Variants in RARB observed in about 807,000 individuals in gnomAD.
RARB encodes HBV-activated protein.
A neutral mutation model predicts 51.9 loss-of-function variants in RARB; 17 were observed. The observed-to-expected ratio is 0.33, with a 90% CI of 0.22 to 0.49. The LOEUF (loss-of-function observed/expected upper bound fraction) is 0.49. RARB is among the 20% of genes least tolerant of loss of function. The pLI is 0.99. For missense variants in RARB, 369 were observed against 550.8 expected (o/e 0.67, Z 3.30); for synonymous variants, 215 against 195.4 (o/e 1.10, Z -0.84).
At chr3:25,487,766 T>G (rs530191987) in intron 2 of RARB, among the ~76,000 whole-genome samples, 1 of 152,310 alleles carries the variant, frequency 6.6e-6, no homozygotes, top group African/African-American at 2.4e-5. Flanking sequence ...ATGAAAGCAT[T>G]ACTTTTGTGT....
rs112907285 is a variant in RARB, at chr3:25,306,698, A to G, written c.178+132123A>G. Among the ~76,000 whole-genome samples, 565 of 152,312 alleles carry G rather than the reference A, an allele frequency of 3.7e-3. 1 individual carries two copies. Among genetic ancestry groups the G allele is most frequent in the African/African-American group, 0.013 (532 of 41,564 alleles). ...ATGTGAAGTTCGCATGTCATTTACT[A>G]TTATTCTGGGGGAAAAAAAGCTGAA... On this transcript the variant is annotated intron_variant, in intron 5 of 11. Coordinates refer to the RARB transcript ENST00000383772.
At chr3:25,065,601 C>G (rs1698645604) in intron 3 of RARB, among the ~76,000 whole-genome samples, 1 of 152,194 alleles carries the variant, frequency 6.6e-6, no homozygotes, top group African/African-American at 2.4e-5. Context: ...TACGATTGTT[C>G]TACCCAAAGT....
chr3:25,040,161 C>T (rs996203225), intron 2 of RARB, among the ~76,000 whole-genome samples: 14 of 152,074 alleles, frequency 9.2e-5, no homozygotes, highest in Non-Finnish European at 1.8e-4. Flanking sequence ...TCAACAGAGA[C>T]GAAATGAAGT....
chr3:24,932,168 T>C (rs1225571473), intron 2 of RARB, among the ~76,000 whole-genome samples: 1 of 152,096 alleles, frequency 6.6e-6, no homozygotes, highest in Non-Finnish European at 1.5e-5. Flanking sequence ...GGCTTCAAAG[T>C]TCGTCGGCCC....
At chr3:25,069,213 T>A (rs1698722444) in intron 3 of RARB, among the ~76,000 whole-genome samples, 1 of 151,324 alleles carries the variant, frequency 6.6e-6, no homozygotes, top group Non-Finnish European at 1.5e-5. Context: ...GAGAAAGATT[T>A]TTTTTTGAGT....
chr3:24,894,681 G>A (rs1703445503), intron 2 of RARB, among the ~76,000 whole-genome samples: 1 of 152,116 alleles, frequency 6.6e-6, no homozygotes, highest in South Asian at 2.1e-4. Flanking sequence ...CTGTGACTTA[G>A]CCAGTTTACT....
intron 2 of RARB, among the ~76,000 whole-genome samples, chr3:25,021,396 T>C (rs1269453140): frequency 2.0e-5 from 3 of 151,934 alleles, no homozygotes; most frequent in African/African-American, 7.3e-5. Context: ...TTTAGTCAGA[T>C]CAAAAATACC....
intron 4 of RARB, among the ~76,000 whole-genome samples, chr3:25,149,333 G>A (rs58793044): frequency 0.011 from 1,603 of 152,194 alleles, 25 homozygotes; most frequent in African/African-American, 0.036. Context: ...CTGGTTTGTC[G>A]TCTGCAATCC....
At chr3:25,190,841 G>A (rs1176462350) in intron 5 of RARB, among the ~76,000 whole-genome samples, 4 of 151,998 alleles carry the variant, frequency 2.6e-5, no homozygotes, top group African/African-American at 9.7e-5. Context: ...CTAATCACTT[G>A]GGACTTGGAG....
At chr3:25,105,022 G>A (rs1427976320) in intron 3 of RARB, among the ~76,000 whole-genome samples, 1 of 152,040 alleles carries the variant, frequency 6.6e-6, no homozygotes, top group Non-Finnish European at 1.5e-5. Context: ...TACAGTTTGT[G>A]TACTTTTCTA....
chr3:25,594,457 CAAGG>C lies in RARB; in HGVS notation c.992-59_992-56del, dbSNP rs1238508225. ...ACTCATAACAGTAGGAATAAGGAAACAAGGAAGAGGGGAAAAGGGCATAAATCCT... is the reference window on the plus strand; with the variant it reads ...ACTCATAACAGTAGGAATAAGGAAACAAGAGGGGAAAAGGGCATAAATCCT... On this transcript the variant is annotated intron_variant, in intron 6 of 7. Coordinates refer to ENST00000330688, the MANE Select transcript of RARB (RefSeq NM_000965.5). The C allele has an allele frequency of 8.8e-6, 13 of 1,471,000 alleles. No homozygotes were observed. The Middle Eastern group carries it at 5.6e-4, about 64-fold the overall frequency. 91.1% of individuals were successfully genotyped at this position (1,471,000 alleles called of 1,614,324 possible).
At chr3:24,865,361 T>C (rs1346596367) in intron 2 of RARB, among the ~76,000 whole-genome samples, 4 of 152,162 alleles carry the variant, frequency 2.6e-5, no homozygotes, top group African/African-American at 7.2e-5. Flanking sequence ...TTGACCCATG[T>C]TGCTCGAGGG....
intron 2 of RARB, among the ~76,000 whole-genome samples, chr3:24,987,968 T>C (rs1201515205): frequency 2.1e-3 from 6 of 2,796 alleles, no homozygotes; most frequent in African/African-American, 6.6e-3. Context: ...TTCATTCCAT[T>C]TTTTTTTTTT....
intron 3 of RARB, among the ~76,000 whole-genome samples, chr3:25,093,596 A>G (rs972640328): frequency 1.3e-5 from 2 of 152,098 alleles, no homozygotes; most frequent in Non-Finnish European, 1.5e-5. Flanking sequence ...ATAAACAATT[A>G]CCTGCCATTA....
intron 2 of RARB, among the ~76,000 whole-genome samples, chr3:24,979,325 C>A (rs1357845835): frequency 1.4e-5 from 2 of 147,522 alleles, no homozygotes; most frequent in East Asian, 2.0e-4. Flanking sequence ...TTCTGTCTCA[C>A]AGTTGTGTGT....
chr3:24,996,177 C>T (rs1697032716), intron 2 of RARB, among the ~76,000 whole-genome samples: 1 of 151,998 alleles, frequency 6.6e-6, no homozygotes, highest in African/African-American at 2.4e-5. Flanking sequence ...CTTTGTGGTT[C>T]AATCTTGGTA....
intron 5 of RARB, among the ~76,000 whole-genome samples, chr3:25,267,431 T>G (rs1037959730): frequency 6.6e-6 from 1 of 152,206 alleles, no homozygotes; most frequent in Non-Finnish European, 1.5e-5. Flanking sequence ...TACCGCTGCC[T>G]ATTCCTTATC....
At chr3:24,831,451 A>C (rs1182618893) in intron 1 of RARB, among the ~76,000 whole-genome samples, 1 of 152,222 alleles carries the variant, frequency 6.6e-6, no homozygotes, top group Non-Finnish European at 1.5e-5. Flanking sequence ...TGGTAATATA[A>C]AGTCATGAAT....
chr3:24,842,372 C>T (rs1702430074), intron 1 of RARB, among the ~76,000 whole-genome samples: 2 of 151,910 alleles, frequency 1.3e-5, no homozygotes, highest in Admixed American at 1.3e-4. Context: ...GCCAATTGGG[C>T]TGAAAATTAT....
Sources: gnomAD v4.1 joint callset for allele counts (sites outside exome capture counted in the v4.1 genomes callset) on GRCh38, gnomAD v4.1.1 for gene constraint, MANE v1.5 for transcripts, NCBI Gene and HGNC (gene_info 2026-07-23, HGNC 2026-07-21) for gene names.